Variants in ZNF738 observed in about 807,000 individuals in gnomAD.
ZNF738 encodes zinc finger protein 738.
ZNF738 carries 10 observed loss-of-function variants against 9.2 expected under a neutral mutation model. The ratio of observed to expected loss-of-function variants is 1.09; its 90% CI spans 0.67 to 1.85. The LOEUF (loss-of-function observed/expected upper bound fraction) is 1.85. ZNF738 is among the 40% of genes most tolerant of loss of function. ZNF738 has a pLI of 0.00. For missense variants in ZNF738, 346 were observed against 283.6 expected (o/e 1.22, Z -1.58); for synonymous variants, 113 against 94.5 (o/e 1.20, Z -1.14).
intron 2 of ZNF738, among the ~76,000 whole-genome samples, chr19:21,366,306 A>G (rs1241006099): frequency 1.3e-5 from 2 of 152,150 alleles, no homozygotes; most frequent in African/African-American, 4.8e-5. Context: ...TGGGTCTTGA[A>G]TCCAAGTACA....
At chr19:21,379,559 GCAGACA>G (rs1973981044) in intron 4 of ZNF738, among the ~76,000 whole-genome samples, 1 of 152,104 alleles carries the variant, frequency 6.6e-6, no homozygotes. Flanking sequence ...TTTGATCTCA[GCAGACA>G]CAAACTGTCA....
intron 2 of ZNF738, chr19:21,372,624 C>T (rs1022508012): frequency 6.6e-6 from 1 of 152,190 alleles, no homozygotes; most frequent in Non-Finnish European, 1.5e-5. Context: ...AGTAGCTGCT[C>T]TACAAGTCAT....
At chr19:21,366,861 C>T (rs1359391539) in intron 2 of ZNF738, among the ~76,000 whole-genome samples, 3 of 152,124 alleles carry the variant, frequency 2.0e-5, no homozygotes, top group African/African-American at 7.2e-5. Flanking sequence ...GTTTTGGTGG[C>T]TTTTATCCCA....
At chr19:21,368,688 C>A (rs1189750290) in intron 2 of ZNF738, among the ~76,000 whole-genome samples, 3 of 151,920 alleles carry the variant, frequency 2.0e-5, no homozygotes, top group Admixed American at 2.0e-4. Context: ...GATTTCCTGA[C>A]CTTGTGATCT....
intron 2 of ZNF738, among the ~76,000 whole-genome samples, chr19:21,370,246 A>T (rs531362467): frequency 6.6e-6 from 1 of 152,236 alleles, no homozygotes; most frequent in South Asian, 2.1e-4. Flanking sequence ...CAAGTTGATC[A>T]TAGTGCATTA....
chr19:21,380,012 T>C (rs1185443589), intron 4 of ZNF738, among the ~76,000 whole-genome samples: 3 of 152,154 alleles, frequency 2.0e-5, no homozygotes, highest in Admixed American at 6.5e-5. Context: ...GGAACACTTA[T>C]TAAGAAAATT....
Position 21,383,789 on chromosome 19 carries a change from C to G in ZNF738, c.*115C>G. On this transcript the variant is annotated 3_prime_UTR_variant, in exon 5 of 5. Transcript: ENST00000683779. ...CAAAGCTTTTAAACAGTCCTCAAACCTTACTACTCATGAAAATTCATTCTG... is the reference window on the plus strand; with the variant it reads ...CAAAGCTTTTAAACAGTCCTCAAACGTTACTACTCATGAAAATTCATTCTG... 1 of 1,199,698 alleles carries G rather than the reference C, an allele frequency of 8.3e-7. No homozygotes were observed. 74.3% of individuals were successfully genotyped at this position (1,199,698 alleles called of 1,614,324 possible). A position where few individuals can be genotyped will look rare whatever the true frequency, so the allele number is the denominator to read the frequency against.
intron 2 of ZNF738, among the ~76,000 whole-genome samples, chr19:21,371,480 GT>G (rs2145228343): frequency 6.6e-6 from 1 of 152,350 alleles, no homozygotes; most frequent in African/African-American, 2.4e-5. Context: ...CCAGATGAGA[GT>G]TTCTCAAGTT....
Position 21,364,912 on chromosome 19 carries a change from ATT to A in ZNF738, c.96+3080_96+3081del, listed in dbSNP as rs71176864. Among the ~76,000 whole-genome samples, 236 of 99,234 alleles carry A rather than the reference ATT, an allele frequency of 2.4e-3. 1 individual carries two copies. The highest frequency in any genetic ancestry group is 9.5e-3 in the South Asian group (26 of 2,736). 65.1% of individuals were successfully genotyped at this position (99,234 alleles called of 152,430 possible). ...AGGCATCCACCACCATACCCAGCTA[ATT>A]TTTTTTTTTTTTTTTTTTTTTTTTT... On this transcript the variant is annotated intron_variant, in intron 2 of 4. Transcript: ENST00000683779.
chr19:21,377,681 TCTG>T (rs557090372), intron 4 of ZNF738: 13 of 406,562 alleles, frequency 3.2e-5, no homozygotes, highest in Non-Finnish European at 5.2e-5. Flanking sequence ...TTTGACCTCT[TCTG>T]CTCTCATTTG....
intron 4 of ZNF738, among the ~76,000 whole-genome samples, chr19:21,380,894 A>G (rs1336570444): frequency 6.6e-6 from 1 of 152,186 alleles, no homozygotes; most frequent in Non-Finnish European, 1.5e-5. Context: ...GCCATTCAGT[A>G]GAGAGCTAAG....
At chr19:21,365,600 C>A (rs751510811) in intron 2 of ZNF738, among the ~76,000 whole-genome samples, 1 of 151,928 alleles carries the variant, frequency 6.6e-6, no homozygotes, top group Non-Finnish European at 1.5e-5. Flanking sequence ...TATGTGAGGG[C>A]CATTCATAAC....
chr19:21,381,783 G>T, intron 4 of ZNF738: 2 of 282,724 alleles, frequency 7.1e-6, no homozygotes, highest in South Asian at 5.4e-5. Flanking sequence ...GTGAGCCACC[G>T]CGCCTGGCCA....
intron 4 of ZNF738, among the ~76,000 whole-genome samples, chr19:21,382,606 CT>C (rs1236406016): frequency 1.3e-5 from 2 of 152,028 alleles, no homozygotes; most frequent in Admixed American, 6.6e-5. Context: ...GTGTAACAAA[CT>C]TTTTTTTCTT....
At chr19:21,379,597 C>T (rs1161977916) in intron 4 of ZNF738, among the ~76,000 whole-genome samples, 1 of 152,158 alleles carries the variant, frequency 6.6e-6, no homozygotes, top group Non-Finnish European at 1.5e-5. Flanking sequence ...ACCACCATTT[C>T]TTTCAGCACT....
intron 1 of ZNF738, among the ~76,000 whole-genome samples, chr19:21,359,573 G>T (rs569901976): frequency 7.9e-5 from 12 of 152,090 alleles, no homozygotes; most frequent in Non-Finnish European, 1.5e-4. Context: ...AATATTAAAA[G>T]AATTTAATCA....
intron 3 of ZNF738, 34 bp downstream of exon 3, chr19:21,375,398 A>T: frequency 1.6e-6 from 1 of 639,366 alleles, no homozygotes; most frequent in South Asian, 2.2e-5. Flanking sequence ...TTCCTTATAT[A>T]CACTAAAGGT....
At position 21,383,137 on chromosome 19, in the gene ZNF738, A is replaced by G. The variant is rs1035170512; in HGVS notation, c.591A>G (p.Arg197=). 39 of 1,589,774 alleles carry G rather than the reference A, an allele frequency of 2.5e-5. No homozygotes were observed. Among genetic ancestry groups the G allele is most frequent in the Non-Finnish European group, 3.2e-5 (37 of 1,159,692 alleles). The change falls in exon 5 of 5, where the codon AGA becomes AGG. Residue 197 remains arginine (R), a synonymous_variant. Transcript: ENST00000683779. ...KFLNSNTHKT[R]HTGKKPFKCK... Reference sequence around the variant, plus strand: ...TAAATTCAAATACACATAAGACAAGACATACTGGAAAGAAACCTTTCAAAT... The same window carrying G: ...TAAATTCAAATACACATAAGACAAGGCATACTGGAAAGAAACCTTTCAAAT...
chr19:21,361,514 T>G (rs1457881538), intron 1 of ZNF738, among the ~76,000 whole-genome samples: 1 of 152,232 alleles, frequency 6.6e-6, no homozygotes, highest in African/African-American at 2.4e-5. Flanking sequence ...AATAATCCCC[T>G]GACACTGTGT....
Sources: allele counts gnomAD v4.1 joint callset (sites outside exome capture counted in the v4.1 genomes callset), GRCh38; gene constraint gnomAD v4.1.1; transcripts MANE v1.5; gene names NCBI Gene and HGNC (gene_info 2026-07-23, HGNC 2026-07-21).